The following GREB1L variants were observed in gnomAD, a reference collection of about 807,000 sequenced individuals.
GREB1L encodes GREB1 like retinoic acid receptor coactivator, also known as GREB1-like protein.
GREB1L carries 17 observed loss-of-function variants against 200.8 expected under a neutral mutation model. The ratio of observed to expected loss-of-function variants is 0.08; its 90% CI spans 0.06 to 0.13. GREB1L has a LOEUF of 0.13. GREB1L is among the 10% of genes least tolerant of loss of function. The pLI is 1.00. For synonymous variants in GREB1L, 789 were observed against 893.0 expected (o/e 0.88, Z 2.08); for missense variants, 1,657 against 2,367.7 (o/e 0.70, Z 6.23).
At chr18:21,452,450 T>C in intron 14 of GREB1L, 1 of 470,552 alleles carries the variant, frequency 2.1e-6, no homozygotes, top group East Asian at 3.6e-5. Context: ...TCAAAGACTT[T>C]ATCTTAAGCA....
intron 1 of GREB1L, among the ~76,000 whole-genome samples, chr18:21,265,773 G>T (rs2037956938): frequency 6.6e-6 from 1 of 151,796 alleles, no homozygotes; most frequent in Admixed American, 6.6e-5. Context: ...TTTTTTATGG[G>T]CTTATCAAAC....
chr18:21,290,802 G>A (rs2038436212), intron 1 of GREB1L, among the ~76,000 whole-genome samples: 1 of 139,220 alleles, frequency 7.2e-6, no homozygotes, highest in African/African-American at 2.7e-5. Context: ...TCCAGCCTGG[G>A]CAACAGAGCA....
intron 7 of GREB1L, among the ~76,000 whole-genome samples, chr18:21,407,752 G>T (rs970962234): frequency 1.3e-5 from 2 of 151,916 alleles, no homozygotes; most frequent in African/African-American, 4.8e-5. Context: ...AAGAAAATAT[G>T]GTATATATAC....
At position 21,440,385 on chromosome 18, in the gene GREB1L, A is replaced by T; in HGVS notation, c.1066A>T (p.Thr356Ser). 1 of 1,551,702 alleles carries T rather than the reference A, an allele frequency of 6.4e-7. No individual in the cohort carries two copies. The highest frequency in any genetic ancestry group is 8.7e-7 in the Non-Finnish European group (1 of 1,146,784). ...CCCTACAGTTCGCCCTCTTTCAAGA[A>T]CGGGTAAGATTTTAACAGAAGATGG... ...PVPTVRPLSR[T>S]EPLLSAPVPQ... The change falls in exon 9 of 33, where the codon ACG (threonine) becomes TCG (serine). Residue 356 changes from threonine to serine, a missense_variant. Around this residue, in one of 9 missense-constraint regions of GREB1L, gnomAD observed 289 missense variants for 345.1 expected, o/e 0.84. Transcript: ENST00000424526.
At chr18:21,423,251 A>G (rs1244715494) in intron 7 of GREB1L, among the ~76,000 whole-genome samples, 1 of 152,072 alleles carries the variant, frequency 6.6e-6, no homozygotes, top group Non-Finnish European at 1.5e-5. Context: ...TTAAATTTGC[A>G]TCTCCCTTAT....
chr18:21,349,257 T>C (rs1327413784), intron 1 of GREB1L, among the ~76,000 whole-genome samples: 1 of 152,216 alleles, frequency 6.6e-6, no homozygotes, highest in Non-Finnish European at 1.5e-5. Context: ...CATTGGCTTT[T>C]TCCTGCTTCT....
chr18:21,362,166 A>G (rs1187051634), intron 1 of GREB1L, among the ~76,000 whole-genome samples: 1 of 152,176 alleles, frequency 6.6e-6, no homozygotes, highest in Non-Finnish European at 1.5e-5. Context: ...TTCTGAGATT[A>G]TGAAATATTA....
intron 7 of GREB1L, among the ~76,000 whole-genome samples, chr18:21,428,196 C>CAAAAAAAAA (rs60750456): frequency 4.2e-5 from 2 of 48,168 alleles, no homozygotes; most frequent in African/African-American, 9.3e-5. Flanking sequence ...GACTCCGTCT[C>CAAAAAAAAA]AAAAAAAAAA....
rs767590532 is a variant in GREB1L, at chr18:21,371,221, A to C, written c.-10+5085A>C. Among the ~76,000 whole-genome samples, 12 of 152,166 alleles carry C rather than the reference A, an allele frequency of 7.9e-5. 1 individual carries two copies. Among genetic ancestry groups the C allele is most frequent in the African/African-American group, 1.2e-4 (5 of 41,428 alleles). On this transcript the variant is annotated intron_variant, in intron 2 of 32. Transcript: ENST00000424526. ...GACAGTCCAGAATATGAACGTTTTC[A>C]TTATCTTAGAAAATTCTTTTGGGCA... is the stretch of plus-strand genomic sequence containing the variant.
chr18:21,306,667 G>A (rs1323247482), intron 1 of GREB1L, among the ~76,000 whole-genome samples: 1 of 152,202 alleles, frequency 6.6e-6, no homozygotes, highest in Non-Finnish European at 1.5e-5. Flanking sequence ...CAGACTCAGT[G>A]TGGTAAACAG....
intron 19 of GREB1L, 134 bp from the exon 20 acceptor site, chr18:21,495,536 A>T (rs2036512268): frequency 1.6e-6 from 1 of 644,004 alleles, no homozygotes; most frequent in Non-Finnish European, 2.7e-6. Context: ...AAATATACAT[A>T]CATAAACATA....
intron 12 of GREB1L, among the ~76,000 whole-genome samples, chr18:21,450,227 A>T (rs773540273): frequency 3.9e-5 from 6 of 152,020 alleles, no homozygotes; most frequent in Non-Finnish European, 7.4e-5. Context: ...TCCCCTTCTC[A>T]CTGAACAGTC....
intron 4 of GREB1L, among the ~76,000 whole-genome samples, chr18:21,388,203 G>C (rs946434476): frequency 6.6e-6 from 1 of 152,060 alleles, no homozygotes; most frequent in Non-Finnish European, 1.5e-5. Flanking sequence ...TAAATTGCCT[G>C]TGTGGCTTGT....
In GREB1L at chr18:21,405,338, A is replaced by T. The variant is rs181046029; in HGVS notation, c.832+1344A>T. The stretch of plus-strand genomic sequence containing the variant: ...GAATATCATTTATGTAATTTGATTG[A>T]TCCCGTGATATGTTATGCTGTGAAA... On this transcript the variant is annotated intron_variant, in intron 7 of 32. Coordinates refer to ENST00000424526, the MANE Select transcript of GREB1L (RefSeq NM_001142966.3). Among the ~76,000 whole-genome samples, 80 of 152,294 alleles carry T rather than the reference A, an allele frequency of 5.3e-4. 2 individuals are homozygous for T. In the East Asian group the frequency reaches 0.015, roughly 28 times the overall value.
At chr18:21,329,347 T>C (rs1598663075) in intron 1 of GREB1L, among the ~76,000 whole-genome samples, 5 of 148,294 alleles carry the variant, frequency 3.4e-5, no homozygotes, top group Non-Finnish European at 7.5e-5. Context: ...AAAAAAAAAA[T>C]TGTAATGGAC....
chr18:21,439,914 C>G (rs1208796907), intron 8 of GREB1L, among the ~76,000 whole-genome samples: 4 of 152,202 alleles, frequency 2.6e-5, no homozygotes, highest in Non-Finnish European at 5.9e-5. Flanking sequence ...ATTCAAAGTT[C>G]TCTGTTGTGT....
intron 2 of GREB1L, among the ~76,000 whole-genome samples, chr18:21,380,885 G>A (rs1209985350): frequency 6.6e-6 from 1 of 152,196 alleles, no homozygotes; most frequent in East Asian, 1.9e-4. Context: ...TGGATCACGA[G>A]GTCAGGAGTT....
At chr18:21,328,941 A>G (rs1257448640) in intron 1 of GREB1L, among the ~76,000 whole-genome samples, 7 of 152,198 alleles carry the variant, frequency 4.6e-5, no homozygotes, top group Admixed American at 4.6e-4. Flanking sequence ...ACTGAGTCAC[A>G]CACACCCTTG....
intron 9 of GREB1L, 89 bp from the exon 10 acceptor site, chr18:21,441,311 T>C (rs2033887756): frequency 6.5e-6 from 7 of 1,079,250 alleles, no homozygotes; most frequent in Non-Finnish European, 8.9e-6. Context: ...CTAATGCTTC[T>C]CTGTTAAAAG....
Sources: gnomAD v4.1 joint callset for allele counts (sites outside exome capture counted in the v4.1 genomes callset) on GRCh38, gnomAD v4.1.1 for gene constraint, gnomAD v4.1.1 regional missense constraint, MANE v1.5 for transcripts, NCBI Gene and HGNC (gene_info 2026-07-23, HGNC 2026-07-21) for gene names.